Variants in CACNA1A observed in about 807,000 individuals in gnomAD.
The protein encoded by CACNA1A is calcium voltage-gated channel subunit alpha1 A, also known as voltage-dependent P/Q-type calcium channel subunit alpha-1A.
In CACNA1A, 57 loss-of-function variants were observed where a neutral mutation model predicts 262.4. The ratio of observed to expected loss-of-function variants is 0.22; its 90% confidence interval spans 0.18 to 0.27. The LOEUF (loss-of-function observed/expected upper bound fraction) is 0.27, where lower values mean the gene tolerates loss of function less well. Among genes scored for constraint, CACNA1A ranks in the 10% least tolerant of loss-of-function variants. The pLI is 1.00. For missense variants in CACNA1A, 2,526 were observed against 3,562.8 expected (o/e 0.71, Z 7.41); for synonymous variants, 1,431 against 1,419.3 (o/e 1.01, Z -0.18).
intron 3 of CACNA1A, among the ~76,000 whole-genome samples, chr19:13,419,591 C>A (rs142762055): frequency 6.6e-6 from 1 of 152,090 alleles, no homozygotes; most frequent in Non-Finnish European, 1.5e-5. Flanking sequence ...GTGGGAGGAT[C>A]GCTTGAACCC....
intron 3 of CACNA1A, among the ~76,000 whole-genome samples, chr19:13,424,291 C>A (rs1305225018): frequency 6.6e-6 from 1 of 152,084 alleles, no homozygotes; most frequent in African/African-American, 2.4e-5. Flanking sequence ...ATCACCTGAA[C>A]CTGGGAGGTG....
chr19:13,402,867 C>A, intron 3 of CACNA1A, among the ~76,000 whole-genome samples: 1 of 72,492 alleles, frequency 1.4e-5, no homozygotes, highest in Non-Finnish European at 2.5e-5. Flanking sequence ...TACACACACA[C>A]ACACACATAT....
chr19:13,289,746 T>G (rs1489716622), intron 19 of CACNA1A, among the ~76,000 whole-genome samples: 1 of 152,148 alleles, frequency 6.6e-6, no homozygotes, highest in Non-Finnish European at 1.5e-5. Flanking sequence ...TAATGGGATT[T>G]GTCTTGCTGG....
At chr19:13,266,667 A>G (rs1039961569) in intron 24 of CACNA1A, among the ~76,000 whole-genome samples, 3 of 152,086 alleles carry the variant, frequency 2.0e-5, no homozygotes, top group African/African-American at 4.8e-5. Context: ...TCCACCTCCC[A>G]GGTTTAAGTG....
intron 24 of CACNA1A, among the ~76,000 whole-genome samples, chr19:13,265,498 C>CA (rs879481907): frequency 3.9e-5 from 6 of 152,044 alleles, no homozygotes; most frequent in Non-Finnish European, 7.4e-5. Flanking sequence ...GAACTCTGAA[C>CA]CTTTTTTTTT....
At chr19:13,305,444 A>G (rs1366921764) in intron 15 of CACNA1A, among the ~76,000 whole-genome samples, 1 of 152,198 alleles carries the variant, frequency 6.6e-6, no homozygotes, top group East Asian at 1.9e-4. Context: ...AAAAGATCCA[A>G]CTTCCTTCCT....
At chr19:13,416,977 C>T (rs1042245299) in intron 3 of CACNA1A, among the ~76,000 whole-genome samples, 1 of 152,122 alleles carries the variant, frequency 6.6e-6, no homozygotes, top group Admixed American at 6.6e-5. Context: ...TATCCACATA[C>T]GGATATTAAT....
chr19:13,450,291 C>A (rs925196946), intron 3 of CACNA1A: 1 of 152,114 alleles, frequency 6.6e-6, no homozygotes, highest in Non-Finnish European at 1.5e-5. Flanking sequence ...AGATACAGTC[C>A]AGCCTCAGAG....
intron 3 of CACNA1A, among the ~76,000 whole-genome samples, chr19:13,418,365 A>T (rs891253762): frequency 2.6e-5 from 4 of 152,164 alleles, no homozygotes; most frequent in Non-Finnish European, 5.9e-5. Context: ...CAGAACCTGA[A>T]TTCAAAGCGC....
chr19:13,384,081 G>A (rs1159079362), intron 3 of CACNA1A, among the ~76,000 whole-genome samples: 1 of 152,178 alleles, frequency 6.6e-6, no homozygotes, highest in Non-Finnish European at 1.5e-5. Flanking sequence ...GTCTCTTAGT[G>A]TTTGGATGAT....
At position 13,212,563 on chromosome 19, in the gene CACNA1A, G is replaced by A. The variant is rs1220202993; in HGVS notation, c.6051-41C>T. 1.3e-6 allele frequency: 2 copies of A among 1,528,270 alleles called. No individual in the cohort carries two copies. The highest frequency in any genetic ancestry group is 2.5e-5 in the South Asian group (2 of 80,616). 94.7% of individuals were successfully genotyped at this position (1,528,270 alleles called of 1,614,324 possible). A position where few individuals can be genotyped will look rare whatever the true frequency, so the allele number is the denominator to read the frequency against. ...AGGCCGGGGTAGCAGTGGGCGCTTG[G>A]GCAGCTTCCAGAACGTGGGGACCAC... On this transcript the variant is annotated intron_variant, in intron 41 of 46. Coordinates refer to ENST00000360228, the MANE Select transcript of CACNA1A (RefSeq NM_001127222.2). This position sits in a 1 kb window ranked among gnomAD's most constrained non-coding sequence, Gnocchi z 5.6.
At chr19:13,349,498 G>C (rs1298879359) in intron 6 of CACNA1A, among the ~76,000 whole-genome samples, 1 of 152,188 alleles carries the variant, frequency 6.6e-6, no homozygotes, top group Non-Finnish European at 1.5e-5. Flanking sequence ...GGGCACATAG[G>C]GTGAGGGGGT....
At chr19:13,442,022 G>C (rs2060730571) in intron 3 of CACNA1A, among the ~76,000 whole-genome samples, 1 of 152,178 alleles carries the variant, frequency 6.6e-6, no homozygotes, top group Non-Finnish European at 1.5e-5. Context: ...TGGAGGCAGA[G>C]GGAGGGAAGA....
chr19:13,207,791 G>C lies in CACNA1A; in HGVS notation c.7043C>G (p.Pro2348Arg). 9.3e-6 allele frequency: 13 copies of C among 1,401,790 alleles called. No individual in the cohort carries two copies. Among genetic ancestry groups the C allele is most frequent in the Non-Finnish European group, 1.2e-5 (13 of 1,086,170 alleles). The allele number at this position is 1,401,790 out of a possible 1,614,324, so 86.8% of individuals were successfully genotyped here. A position where few individuals can be genotyped will look rare whatever the true frequency, so the allele number is the denominator to read the frequency against. Residue 2348 changes from proline (P) to arginine (R), a missense_variant, in exon 47 of 47, where the codon CCT becomes CGT. Around this residue, in one of 17 missense-constraint regions of CACNA1A, gnomAD observed 929 missense variants for 868.1 expected, o/e 1.07. Coordinates refer to ENST00000360228, the MANE Select transcript of CACNA1A (RefSeq NM_001127222.2). The surrounding 1 kb of genome is among the most constrained non-coding windows in gnomAD (Gnocchi z 5.7). ...CGTGGGCGGCCGATCTCCGGCCAGAGGCTCGGCCGTGGGGCCTGGGTACCT... is the reference window on the plus strand; with the variant it reads ...CGTGGGCGGCCGATCTCCGGCCAGACGCTCGGCCGTGGGGCCTGGGTACCT... Reference protein sequence around the residue: ...PRRYPGPTAEPLAGDRPPTGG... With the variant: ...PRRYPGPTAERLAGDRPPTGG...
intron 31 of CACNA1A, 53 bp downstream of exon 31, chr19:13,245,129 G>A (rs193191539): frequency 8.4e-6 from 12 of 1,436,748 alleles, no homozygotes; most frequent in East Asian, 2.3e-5. Context: ...GCCCCCTGCC[G>A]CCTGCCTCGT....
At chr19:13,261,216 C>T (rs915850516) in intron 26 of CACNA1A, 4 of 469,068 alleles carry the variant, frequency 8.5e-6, no homozygotes, top group South Asian at 3.9e-5. Flanking sequence ...ATGACAAAGG[C>T]GGTGGCTGAA....
intron 46 of CACNA1A, 68 bp from the exon 47 acceptor site, chr19:13,208,121 TGGGAGGAAGAGAG>T: frequency 1.1e-6 from 1 of 914,714 alleles, no homozygotes; most frequent in Non-Finnish European, 1.3e-6. Flanking sequence ...GACACGGGAT[TGGGAGGAAGAGAG>T]GGGAGCGAAG....
chr19:13,332,726 TG>T (rs2058487861), intron 9 of CACNA1A, 142 bp downstream of exon 9: 3 of 509,480 alleles, frequency 5.9e-6, no homozygotes, highest in Middle Eastern at 5.3e-4. Context: ...AAACTCTGCA[TG>T]GAAGTCCTAA....
At chr19:13,485,867 T>A (rs999015140) in intron 1 of CACNA1A, among the ~76,000 whole-genome samples, 8 of 152,176 alleles carry the variant, frequency 5.3e-5, no homozygotes, top group Non-Finnish European at 5.9e-5. Context: ...CACAGAGCGA[T>A]GTGCTCCAGA....
Sources: gnomAD v4.1 joint callset for allele counts (sites outside exome capture counted in the v4.1 genomes callset) on GRCh38, gnomAD v4.1.1 for gene constraint, gnomAD v4.1.1 regional missense constraint, Gnocchi (gnomAD v3.1) non-coding constraint, MANE v1.5 for transcripts, NCBI Gene and HGNC (gene_info 2026-07-23, HGNC 2026-07-21) for gene names.